The following ATP9B variants were observed in gnomAD, a reference collection of about 807,000 sequenced individuals.
ATP9B encodes ATPase phospholipid transporting 9B, also known as probable phospholipid-transporting ATPase IIB.
In ATP9B, 110 loss-of-function variants were observed where a neutral mutation model predicts 146.1. That is an observed-to-expected ratio of 0.75 (90% CI 0.65 to 0.88). The LOEUF (loss-of-function observed/expected upper bound fraction) is 0.88, where lower values mean the gene tolerates loss of function less well. Ranked by LOEUF, ATP9B falls within the 40% of genes least tolerant of loss-of-function variation. The pLI, the probability that ATP9B is intolerant of heterozygous loss-of-function variation, is 0.00. For missense variants in ATP9B, 1,499 were observed against 1,496.4 expected, an observed-to-expected ratio of 1.00 and a Z score of -0.03; for synonymous variants, 604 against 569.7, an observed-to-expected ratio of 1.06 and a Z score of -0.86.
chr18:79,156,979 C>A (rs67615206), intron 7 of ATP9B, among the ~76,000 whole-genome samples: 31,818 of 152,052 alleles, frequency 0.21, 3,702 homozygotes, highest in East Asian at 0.5. Flanking sequence ...GAATACATAA[C>A]CTTTGATCAT....
At chr18:79,367,442 CAGAG>C (rs1275201350) in intron 26 of ATP9B, among the ~76,000 whole-genome samples, 3 of 129,210 alleles carry the variant, frequency 2.3e-5, no homozygotes, top group Admixed American at 7.6e-5. Flanking sequence ...CGTGTGTACG[CAGAG>C]AAAGTGCCTC....
At chr18:79,200,207 T>A (rs2095455451) in intron 9 of ATP9B, among the ~76,000 whole-genome samples, 1 of 152,156 alleles carries the variant, frequency 6.6e-6, no homozygotes, top group African/African-American at 2.4e-5. Flanking sequence ...GACCATGTGG[T>A]AGGAATGCTT....
chr18:79,149,596 C>G (rs2094649644), intron 6 of ATP9B, among the ~76,000 whole-genome samples: 1 of 151,692 alleles, frequency 6.6e-6, no homozygotes, highest in Non-Finnish European at 1.5e-5. Context: ...AAATGTGTGC[C>G]TTGTGAAAAC....
rs1423744831 is a variant in ATP9B at position 79,355,949 on chromosome 18, G to A, written c.2904-3405G>A. 2.0e-5 allele frequency among the ~76,000 whole-genome samples: 3 copies of A among 152,284 alleles called. No homozygotes were observed. The East Asian group carries it at 5.8e-4, about 29-fold the overall frequency. On this transcript the variant is annotated intron_variant, in intron 25 of 29. Transcript: ENST00000426216. ...CAAGTGCCGGAGAAAGGCCTCATGGGCACGGCACACTGCAGCCAGTGACGG... is the reference window on the plus strand; with the variant it reads ...CAAGTGCCGGAGAAAGGCCTCATGGACACGGCACACTGCAGCCAGTGACGG...
chr18:79,121,012 C>A (rs963132508), intron 4 of ATP9B, among the ~76,000 whole-genome samples: 1 of 152,146 alleles, frequency 6.6e-6, no homozygotes, highest in Admixed American at 6.5e-5. Flanking sequence ...GGTAAGGTTA[C>A]TTACTCACTT....
At chr18:79,286,713 G>C (rs1160980459) in intron 13 of ATP9B, among the ~76,000 whole-genome samples, 1 of 152,086 alleles carries the variant, frequency 6.6e-6, no homozygotes, top group Non-Finnish European at 1.5e-5. Context: ...CAAAGGGAAT[G>C]CTTCCAGTTT....
intron 11 of ATP9B, among the ~76,000 whole-genome samples, chr18:79,223,710 A>G (rs1600629305): frequency 6.6e-6 from 1 of 152,318 alleles, no homozygotes; most frequent in Non-Finnish European, 1.5e-5. Context: ...TACCCGGCAC[A>G]CTTTGATATG....
intron 12 of ATP9B, 184 bp downstream of exon 12, chr18:79,253,725 G>C: frequency 3.5e-6 from 2 of 577,116 alleles, no homozygotes; most frequent in South Asian, 5.7e-5. Flanking sequence ...CATCAGTGCC[G>C]GTAGAATGAT....
intron 11 of ATP9B, among the ~76,000 whole-genome samples, chr18:79,228,134 G>A (rs1179905573): frequency 6.6e-6 from 1 of 152,218 alleles, no homozygotes; most frequent in Non-Finnish European, 1.5e-5. Flanking sequence ...CCTTTTAGAT[G>A]AGTATGGAAT....
chr18:79,197,926 CAT>C (rs2095431580), intron 9 of ATP9B, among the ~76,000 whole-genome samples: 1 of 152,084 alleles, frequency 6.6e-6, no homozygotes, highest in South Asian at 2.1e-4. Context: ...AGAATAAGGA[CAT>C]GTAGTTTATT....
chr18:79,346,949 C>T lies in ATP9B; in HGVS notation c.2683-821C>T, dbSNP rs1452076369. Among the ~76,000 whole-genome samples, 4 of 152,262 alleles carry T rather than the reference C, an allele frequency of 2.6e-5. No individual in the cohort carries two copies. The East Asian group carries it at 7.7e-4, about 29-fold the overall frequency. The stretch of plus-strand genomic sequence containing the variant: ...ACATTTCATAATGTCAATCCTGCCA[C>T]GTGCATTACAGCCTAGCCCTCGGCG... On this transcript the variant is annotated intron_variant, in intron 23 of 29. Coordinates refer to ENST00000426216, the MANE Select transcript of ATP9B (RefSeq NM_198531.5).
intron 2 of ATP9B, among the ~76,000 whole-genome samples, chr18:79,102,060 C>T (rs1221632399): frequency 6.6e-6 from 1 of 152,174 alleles, no homozygotes; most frequent in Non-Finnish European, 1.5e-5. Context: ...ATTCTCCTGC[C>T]TCAGCCTTTC....
intron 6 of ATP9B, chr18:79,146,741 C>T (rs924258477): frequency 1.2e-5 from 2 of 161,486 alleles, no homozygotes; most frequent in Admixed American, 1.2e-4. Context: ...TAAGGGAGTT[C>T]GTTCCTAAGT....
chr18:79,277,713 A>C (rs2096328598), intron 13 of ATP9B, among the ~76,000 whole-genome samples: 1 of 152,072 alleles, frequency 6.6e-6, no homozygotes, highest in African/African-American at 2.4e-5. Flanking sequence ...TCTTTTTTTC[A>C]TCAAAGAACT....
intron 7 of ATP9B, among the ~76,000 whole-genome samples, chr18:79,164,495 C>T (rs1255869438): frequency 1.3e-5 from 2 of 152,022 alleles, no homozygotes; most frequent in African/African-American, 2.4e-5. Flanking sequence ...GCAGGCGGAT[C>T]ACGAGGTCAG....
chr18:79,209,690 T>C, intron 10 of ATP9B: 1 of 985,028 alleles, frequency 1.0e-6, no homozygotes. Flanking sequence ...TGAAGACGGC[T>C]TTAAAACCAT....
chr18:79,241,198 T>C (rs2095884637), intron 11 of ATP9B, among the ~76,000 whole-genome samples: 2 of 152,178 alleles, frequency 1.3e-5, no homozygotes. Flanking sequence ...GCATTGATTT[T>C]TTTGGTTGTC....
At chr18:79,364,490 T>C (rs2097014686) in intron 26 of ATP9B, among the ~76,000 whole-genome samples, 1 of 152,112 alleles carries the variant, frequency 6.6e-6, no homozygotes, top group African/African-American at 2.4e-5. Flanking sequence ...AAGAGTTGTG[T>C]CTGCAGCTGT....
At chr18:79,073,673 C>T (rs114767280) in intron 1 of ATP9B, among the ~76,000 whole-genome samples, 5,169 of 152,118 alleles carry the variant, frequency 0.034, 300 homozygotes, top group African/African-American at 0.12. Context: ...ACGGAGACGA[C>T]GGAGAGGGAG....
Sources: allele counts gnomAD v4.1 joint callset (sites outside exome capture counted in the v4.1 genomes callset), GRCh38; gene constraint gnomAD v4.1.1; transcripts MANE v1.5; gene names NCBI Gene and HGNC (gene_info 2026-07-23, HGNC 2026-07-21).